Variants in OLR1 observed in about 807,000 individuals in gnomAD.
OLR1 encodes the protein oxidized low-density lipoprotein receptor 1.
A neutral mutation model predicts 31.7 loss-of-function variants in OLR1; 23 were observed. The observed-to-expected ratio is 0.72, with a 90% CI of 0.52 to 1.03. OLR1 has a LOEUF of 1.03. Ranked by LOEUF, OLR1 falls within the 50% of genes least tolerant of loss-of-function variation. The pLI is 0.00. For synonymous variants in OLR1, 117 were observed against 115.8 expected, an observed-to-expected ratio of 1.01 and a Z score of -0.07; for missense variants, 286 against 315.7, an observed-to-expected ratio of 0.91 and a Z score of 0.71.
upstream of OLR1, among the ~76,000 whole-genome samples, chr12:10,175,024 G>T (rs567061967): frequency 6.6e-6 from 1 of 152,138 alleles, no homozygotes; most frequent in East Asian, 1.9e-4. Context: ...AAGATCAGTG[G>T]GATAGTTTCT....
intron 1 of OLR1, 29 bp from the exon 2 acceptor site, chr12:10,169,204 G>A (rs1396277975): frequency 4.6e-6 from 7 of 1,527,184 alleles, no homozygotes; most frequent in Admixed American, 3.8e-5. Flanking sequence ...GAATCAGAAA[G>A]ACAAAAAAGA....
intron 3 of OLR1, among the ~76,000 whole-genome samples, chr12:10,163,888 A>T (rs2137509101): frequency 6.6e-6 from 1 of 152,098 alleles, no homozygotes; most frequent in Non-Finnish European, 1.5e-5. Context: ...CCTAGATCGC[A>T]CCACTGCACT....
chr12:10,173,548 G>GC (rs1565424149), upstream of OLR1, among the ~76,000 whole-genome samples: 1 of 54,884 alleles, frequency 1.8e-5, no homozygotes, highest in African/African-American at 1.5e-4. Flanking sequence ...GGGAAGCTGA[G>GC]GGGGGGGGTG....
At chr12:10,170,476 T>C (rs2137524481) in intron 1 of OLR1, 1 of 149,410 alleles carries the variant, frequency 6.7e-6, no homozygotes, top group East Asian at 2.0e-4. Context: ...GGGCATCAGA[T>C]ACCCTCATCG....
intron 2 of OLR1, 41 bp from the exon 3 acceptor site, chr12:10,166,998 T>C: frequency 2.6e-6 from 4 of 1,565,632 alleles, no homozygotes; most frequent in Non-Finnish European, 3.5e-6. Flanking sequence ...CTAATCCAAA[T>C]AAAAATCCCT....
At chr12:10,166,124 A>G in intron 3 of OLR1, among the ~76,000 whole-genome samples, 1 of 151,992 alleles carries the variant, frequency 6.6e-6, no homozygotes, top group East Asian at 1.9e-4. Flanking sequence ...AGGCAGGAGA[A>G]CTGCTTGAAC....
At chr12:10,167,779 T>TC (rs1188571064) in intron 2 of OLR1, 12 of 152,070 alleles carry the variant, frequency 7.9e-5, no homozygotes, top group Non-Finnish European at 2.9e-5. Context: ...CTTTTTTTTT[T>TC]CCCCTTGGCC....
chr12:10,169,151 C>T lies in OLR1; in HGVS notation c.101G>A (p.Trp34Ter), dbSNP rs2137520600. 6.2e-7 allele frequency: 1 copy of T among 1,613,664 alleles called. No homozygotes were observed. The change falls in exon 2 of 6, where the codon TGG becomes TAG. Residue 34 changes from tryptophan to a stop codon, truncating the protein, a stop_gained. Transcript: ENST00000309539. LOFTEE classifies it high-confidence loss of function. Reference sequence around the variant, plus strand: ...TAGAGTCGCAGCAGCCAGGCACCACCATGGAGAGTAAAGAAACTGAAGACC... The same window carrying T: ...TAGAGTCGCAGCAGCCAGGCACCACTATGGAGAGTAAAGAAACTGAAGACC... ...AKGLQFLYSP[W>*]WCLAAATLGV...
chr12:10,160,017 T>C lies in OLR1; in HGVS notation c.685A>G (p.Arg229Gly). The C allele has an allele frequency of 1.9e-6, 3 of 1,596,774 alleles. No individual in the cohort carries two copies. The highest frequency in any genetic ancestry group is 2.2e-5 in the South Asian group (2 of 89,624). ...DGSPLMPHLF[R>G]VRGAVSQTYP... ...GTCTGGGAGACAGCGCCTCGGACTCTAAATCTGCAGGTAGGAAAAAACAAA... is the reference window on the plus strand; with the variant it reads ...GTCTGGGAGACAGCGCCTCGGACTCCAAATCTGCAGGTAGGAAAAAACAAA... Residue 229 changes from arginine to glycine, a missense_variant, in exon 6 of 6, where the codon AGA becomes GGA. By Grantham distance (125) the Arg-to-Gly change is moderately radical. Transcript: ENST00000309539.
intron 4 of OLR1, 104 bp downstream of exon 4, chr12:10,160,682 G>A: frequency 6.9e-7 from 1 of 1,443,676 alleles, no homozygotes; most frequent in Non-Finnish European, 9.5e-7. Context: ...TAAAAAAACA[G>A]ACATTTTGGC....
intron 2 of OLR1, among the ~76,000 whole-genome samples, chr12:10,168,762 G>A (rs1382803096): frequency 6.6e-6 from 1 of 152,122 alleles, no homozygotes; most frequent in African/African-American, 2.4e-5. Flanking sequence ...CCAAAGTGCT[G>A]GGATTACAGG....
chr12:10,161,038 TTTTG>T lies in OLR1; in HGVS notation c.425-117_425-114del. The T allele has an allele frequency of 5.5e-6, 6 of 1,087,344 alleles. No homozygotes were observed. In the South Asian group the frequency reaches 1.0e-4, roughly 19 times the overall value. The allele number at this position is 1,087,344 out of a possible 1,614,324, so 67.4% of individuals were successfully genotyped here. ...TCACGTGCATACTATTTATTTTTGT[TTTTG>T]TTTTTGTTTTTGTATTTTTAGTAGA... On this transcript the variant is annotated intron_variant, in intron 3 of 5. Transcript: ENST00000309539.
rs779239679 is a variant in OLR1 at position 10,169,153 on chromosome 12, T to C, written c.99A>G (p.Pro33=). The C allele has an allele frequency of 1.4e-5, 22 of 1,613,320 alleles. No individual in the cohort carries two copies. Among genetic ancestry groups the C allele is most frequent in the Non-Finnish European group, 1.7e-5 (20 of 1,179,796 alleles). Residue 33 remains proline (P), a synonymous_variant, in exon 2 of 6, where the codon CCA becomes CCG. Coordinates refer to ENST00000309539, the MANE Select transcript of OLR1 (RefSeq NM_002543.4). ...GAGTCGCAGCAGCCAGGCACCACCA[T>C]GGAGAGTAAAGAAACTGAAGACCTA... The part of the protein sequence containing the change: ...KAKGLQFLYS[P]WWCLAAATLG...
chr12:10,174,347 G>A (rs1948750864), upstream of OLR1, among the ~76,000 whole-genome samples: 1 of 152,220 alleles, frequency 6.6e-6, no homozygotes, highest in Non-Finnish European at 1.5e-5. Flanking sequence ...ACAAGCGTGA[G>A]CCACCGTGCT....
chr12:10,161,924 GATAT>G (rs34054558), intron 3 of OLR1, among the ~76,000 whole-genome samples: 1 of 67,936 alleles, frequency 1.5e-5, no homozygotes, highest in African/African-American at 4.3e-5. Context: ...AAATTTTAAT[GATAT>G]ATATATATAT....
intron 2 of OLR1, among the ~76,000 whole-genome samples, 169 bp downstream of exon 2, chr12:10,168,905 C>A (rs2137519854): frequency 6.6e-6 from 1 of 152,270 alleles, no homozygotes; most frequent in Non-Finnish European, 1.5e-5. Flanking sequence ...GGAAGATGAA[C>A]AATATACCCC....
chr12:10,166,876 G>A lies in OLR1; in HGVS notation c.260C>T (p.Ala87Val), dbSNP rs765832794. 9.3e-6 allele frequency: 15 copies of A among 1,613,428 alleles called. No individual in the cohort carries two copies. The Middle Eastern group carries it at 8.2e-4, about 88-fold the overall frequency. ...QKKKLEGQISARQQAEEASQE... is the reference protein window; with the variant it reads ...QKKKLEGQISVRQQAEEASQE... ...TGAAGCTTCTTCTGCTTGTTGCCGG[G>A]CTGAGATCTGTCCCTCCAGTTTCTT... Residue 87 changes from alanine to valine, a missense_variant, in exon 3 of 6, where the codon GCC becomes GTC. Physicochemically the swap from Ala to Val is moderately conservative, Grantham distance 64 (BLOSUM62 0). Transcript: ENST00000309539.
chr12:10,162,484 T>G (rs1948628377), intron 3 of OLR1, among the ~76,000 whole-genome samples: 1 of 152,176 alleles, frequency 6.6e-6, no homozygotes, highest in Non-Finnish European at 1.5e-5. Flanking sequence ...AATGCAAGCT[T>G]CTTACTTCTT....
chr12:10,160,287 C>G, intron 5 of OLR1, 60 bp downstream of exon 5: 2 of 1,326,860 alleles, frequency 1.5e-6, no homozygotes, highest in Non-Finnish European at 2.1e-6. Context: ...ACCTCACTAG[C>G]AGGTTCAGCA....
Sources: gnomAD v4.1 joint callset for allele counts (sites outside exome capture counted in the v4.1 genomes callset) on GRCh38, gnomAD v4.1.1 for gene constraint, MANE v1.5 for transcripts, NCBI Gene and HGNC (gene_info 2026-07-23, HGNC 2026-07-21) for gene names.